The following MGMT variants were observed in gnomAD, a reference collection of about 807,000 sequenced individuals.
MGMT encodes the protein methylated-DNA--protein-cysteine methyltransferase.
Under a neutral mutation model 15.9 loss-of-function variants are expected in MGMT, and 14 were observed. The observed-to-expected ratio is 0.88, with a 90% CI of 0.58 to 1.37. MGMT has a LOEUF of 1.37. Ranked by LOEUF, MGMT falls within the 40% of genes most tolerant of loss-of-function variation. The probability of loss-of-function intolerance (pLI) is 0.00; values close to 1 mark genes in which losing one functional copy is unlikely to be tolerated. For missense variants in MGMT, 282 were observed against 268.1 expected (o/e 1.05, Z -0.36); for synonymous variants, 130 against 118.2 (o/e 1.10, Z -0.65).
At chr10:129,674,941 G>C (rs1847767457) in intron 2 of MGMT, among the ~76,000 whole-genome samples, 1 of 152,238 alleles carries the variant, frequency 6.6e-6, no homozygotes, top group South Asian at 2.1e-4. Context: ...AGTCGTAGCT[G>C]AGAGAGGCAC....
chr10:129,554,928 T>G (rs61859886), intron 2 of MGMT, among the ~76,000 whole-genome samples: 14,343 of 152,156 alleles, frequency 0.094, 857 homozygotes, highest in East Asian at 0.31. Context: ...GACAAATCAC[T>G]TCACTCCATG....
intron 2 of MGMT, among the ~76,000 whole-genome samples, chr10:129,687,758 T>G (rs1847921647): frequency 6.6e-6 from 1 of 151,846 alleles, no homozygotes; most frequent in African/African-American, 2.4e-5. Flanking sequence ...GCAGGTTTGT[T>G]ACGTATGTAT....
At chr10:129,547,760 AGTGTTCAT>A (rs1026019714) in intron 2 of MGMT, among the ~76,000 whole-genome samples, 2 of 152,156 alleles carry the variant, frequency 1.3e-5, no homozygotes, top group African/African-American at 4.8e-5. Flanking sequence ...AACACTGGGG[AGTGTTCAT>A]GGCTTCTGGC....
chr10:129,748,377 C>A (rs1285908092), intron 3 of MGMT, among the ~76,000 whole-genome samples: 1 of 152,124 alleles, frequency 6.6e-6, no homozygotes, highest in African/African-American at 2.4e-5. Context: ...GTCGTACTCT[C>A]CTCATCGTGG....
rs368736321 is a variant in MGMT at position 129,546,399 on chromosome 10, G to A, written c.125+10022G>A. 2.6e-3 allele frequency among the ~76,000 whole-genome samples: 400 copies of A among 152,370 alleles called. 2 individuals carry two copies. The highest frequency in any genetic ancestry group is 8.9e-3 in the African/African-American group (372 of 41,600). On this transcript the variant is annotated intron_variant, in intron 2 of 4. Coordinates refer to ENST00000651593, the MANE Select transcript of MGMT (RefSeq NM_002412.5). Reference sequence around the variant, plus strand: ...GGTGGTGAACCAGGAGGCCCTGGCTGCTGACAGGATGTAGGGGCATGGAGG... The same window carrying A: ...GGTGGTGAACCAGGAGGCCCTGGCTACTGACAGGATGTAGGGGCATGGAGG...
chr10:129,746,264 A>C (rs1215033895), intron 3 of MGMT, among the ~76,000 whole-genome samples: 3 of 151,394 alleles, frequency 2.0e-5, no homozygotes, highest in Non-Finnish European at 4.4e-5. Context: ...AACAAACAAA[A>C]AAAAACACCT....
chr10:129,693,884 CAG>C (rs1847999262), intron 2 of MGMT: 1 of 149,022 alleles, frequency 6.7e-6, no homozygotes, highest in Non-Finnish European at 1.5e-5. Context: ...GCGTGGGCGA[CAG>C]AGTGAGATTC....
At chr10:129,575,004 G>C (rs772241747) in intron 2 of MGMT, among the ~76,000 whole-genome samples, 1 of 152,138 alleles carries the variant, frequency 6.6e-6, no homozygotes, top group Non-Finnish European at 1.5e-5. Flanking sequence ...CCTGGCCGCT[G>C]TGTGATCTCC....
intron 2 of MGMT, among the ~76,000 whole-genome samples, chr10:129,679,465 TC>T (rs1206082484): frequency 6.6e-6 from 1 of 152,170 alleles, no homozygotes; most frequent in East Asian, 1.9e-4. Flanking sequence ...CCCATGTGAC[TC>T]CAGGGACCCG....
At chr10:129,557,439 A>G (rs1846226669) in intron 2 of MGMT, among the ~76,000 whole-genome samples, 1 of 152,204 alleles carries the variant, frequency 6.6e-6, no homozygotes, top group South Asian at 2.1e-4. Flanking sequence ...GCTCTTTAAC[A>G]TACTTTAATC....
At chr10:129,669,028 A>G (rs952972069) in intron 2 of MGMT, among the ~76,000 whole-genome samples, 2 of 152,214 alleles carry the variant, frequency 1.3e-5, no homozygotes, top group African/African-American at 2.4e-5. Flanking sequence ...TATATAATCT[A>G]TTGTAAGTGT....
At chr10:129,681,614 ACT>A (rs1405996409) in intron 2 of MGMT, among the ~76,000 whole-genome samples, 4 of 152,188 alleles carry the variant, frequency 2.6e-5, no homozygotes, top group African/African-American at 9.7e-5. Context: ...ACAGACTTGA[ACT>A]CTGTGGGTCC....
intron 3 of MGMT, among the ~76,000 whole-genome samples, chr10:129,730,350 G>A (rs1247029182): frequency 1.3e-5 from 2 of 152,178 alleles, no homozygotes; most frequent in Non-Finnish European, 1.5e-5. Flanking sequence ...CATTGATAAT[G>A]TGTCATCTGG....
intron 2 of MGMT, among the ~76,000 whole-genome samples, chr10:129,573,478 G>A (rs1249765129): frequency 4.6e-5 from 7 of 151,984 alleles, no homozygotes; most frequent in African/African-American, 1.7e-4. Flanking sequence ...AATTTATGAG[G>A]TGCTTACACA....
intron 2 of MGMT, among the ~76,000 whole-genome samples, chr10:129,672,229 G>A (rs1847732759): frequency 6.6e-6 from 1 of 152,230 alleles, no homozygotes; most frequent in Non-Finnish European, 1.5e-5. Context: ...CAGAGATACT[G>A]TGACTTTTTC....
chr10:129,728,228 T>C (rs1254965262), intron 3 of MGMT, among the ~76,000 whole-genome samples: 1 of 152,066 alleles, frequency 6.6e-6, no homozygotes, highest in African/African-American at 2.4e-5. Flanking sequence ...CATTTTGGCA[T>C]AGAGTTGGGA....
At chr10:129,694,639 C>G (rs1339901873) in intron 2 of MGMT, among the ~76,000 whole-genome samples, 1 of 152,172 alleles carries the variant, frequency 6.6e-6, no homozygotes, top group Non-Finnish European at 1.5e-5. Flanking sequence ...TGAGACTTTT[C>G]CAAGCCCCAG....
At chr10:129,599,207 A>G (rs1364774676) in intron 2 of MGMT, among the ~76,000 whole-genome samples, 1 of 152,206 alleles carries the variant, frequency 6.6e-6, no homozygotes, top group African/African-American at 2.4e-5. Context: ...TTGAACAGTC[A>G]GCTATATTGG....
chr10:129,555,248 C>CT (rs1846200082), intron 2 of MGMT, among the ~76,000 whole-genome samples: 1 of 152,216 alleles, frequency 6.6e-6, no homozygotes, highest in Non-Finnish European at 1.5e-5. Context: ...AGGCTTGCTT[C>CT]AGATCCCTTG....
Sources: gnomAD v4.1 joint callset for allele counts (sites outside exome capture counted in the v4.1 genomes callset) on GRCh38, gnomAD v4.1.1 for gene constraint, MANE v1.5 for transcripts, NCBI Gene and HGNC (gene_info 2026-07-23, HGNC 2026-07-21) for gene names.